Variants in BMPR1B observed in about 807,000 individuals in gnomAD.
BMPR1B encodes the protein bone morphogenetic protein receptor type-1B.
A neutral mutation model predicts 59.1 loss-of-function variants in BMPR1B; 12 were observed. The ratio of observed to expected loss-of-function variants is 0.20; its 90% CI spans 0.13 to 0.33. BMPR1B has a LOEUF of 0.33. BMPR1B is among the 10% of genes least tolerant of loss of function. The pLI is 1.00. For missense variants in BMPR1B, 550 were observed against 610.9 expected (o/e 0.90, Z 1.05); for synonymous variants, 237 against 207.3 (o/e 1.14, Z -1.23).
At chr4:94,762,194 CTGTG>C (rs1339406830) in intron 1 of BMPR1B, among the ~76,000 whole-genome samples, 3 of 152,050 alleles carry the variant, frequency 2.0e-5, no homozygotes, top group African/African-American at 7.3e-5. Flanking sequence ...AATGCCTACT[CTGTG>C]TGTGGCACTG....
intron 6 of BMPR1B, 34 bp from the exon 7 acceptor site, chr4:95,123,776 T>C: frequency 2.7e-6 from 4 of 1,476,060 alleles, no homozygotes; most frequent in Non-Finnish European, 3.8e-6. Context: ...AAAAATATTC[T>C]CTTGATTATG....
intron 1 of BMPR1B, among the ~76,000 whole-genome samples, chr4:94,783,195 A>G (rs1722646208): frequency 6.6e-6 from 1 of 152,146 alleles, no homozygotes; most frequent in African/African-American, 2.4e-5. Context: ...TATTGTTGTG[A>G]CAGTGCTCCA....
At chr4:94,869,210 C>T (rs1726383494) in intron 1 of BMPR1B, among the ~76,000 whole-genome samples, 1 of 151,816 alleles carries the variant, frequency 6.6e-6, no homozygotes, top group Non-Finnish European at 1.5e-5. Flanking sequence ...TTTACTCTTT[C>T]TGAAATGTCA....
intron 2 of BMPR1B, among the ~76,000 whole-genome samples, chr4:94,957,560 C>A (rs1379688892): frequency 6.6e-6 from 1 of 151,594 alleles, no homozygotes; most frequent in African/African-American, 2.4e-5. Flanking sequence ...GTTTGCACTG[C>A]AACTTTAGGT....
At chr4:94,902,087 G>GTGTGTGTGTGT (rs1491111955) in intron 2 of BMPR1B, among the ~76,000 whole-genome samples, 5 of 128,580 alleles carry the variant, frequency 3.9e-5, no homozygotes, top group African/African-American at 1.3e-4. Context: ...GTGTGTGTGT[G>GTGTGTGTGTGT]GGGTGTATTT....
chr4:94,961,907 T>G (rs1297630464), intron 2 of BMPR1B, among the ~76,000 whole-genome samples: 1 of 152,192 alleles, frequency 6.6e-6, no homozygotes. Context: ...GAGATATCCA[T>G]CACCTTAAAC....
intron 8 of BMPR1B, among the ~76,000 whole-genome samples, chr4:95,127,405 A>T (rs1219391860): frequency 6.6e-6 from 1 of 152,140 alleles, no homozygotes; most frequent in Non-Finnish European, 1.5e-5. Context: ...AGTTGTTCCT[A>T]TTCTATCAAG....
chr4:95,006,340 C>T (rs62316233), intron 3 of BMPR1B, among the ~76,000 whole-genome samples: 4,430 of 145,532 alleles, frequency 0.03, 101 homozygotes, highest in Non-Finnish European at 0.048. Context: ...ATCAGGAGTA[C>T]GAGACCAGCC....
At chr4:94,780,531 T>C (rs909966007) in intron 1 of BMPR1B, among the ~76,000 whole-genome samples, 1 of 152,150 alleles carries the variant, frequency 6.6e-6, no homozygotes, top group Non-Finnish European at 1.5e-5. Context: ...CCTGGGTATA[T>C]ACCTAGGAGT....
At chr4:95,109,939 C>T (rs1163759016) in intron 4 of BMPR1B, among the ~76,000 whole-genome samples, 4 of 148,458 alleles carry the variant, frequency 2.7e-5, no homozygotes, top group Non-Finnish European at 5.9e-5. Flanking sequence ...CAATTCCCAC[C>T]TATGAGTGAG....
rs568085996 is a variant in BMPR1B at position 94,819,158 on chromosome 4, T to A, written c.-182-56673T>A. 3.9e-5 allele frequency among the ~76,000 whole-genome samples: 6 copies of A among 151,932 alleles called. No homozygotes were observed. In the South Asian group the frequency reaches 1.2e-3, roughly 32 times the overall value. On this transcript the variant is annotated intron_variant, in intron 1 of 12. Transcript: ENST00000515059. Reference sequence around the variant, plus strand: ...CTCAAATAAAATTTTTTTTTTTTTCTCTTATAGGCTTAACTTTGGGTCAGA... The same window carrying A: ...CTCAAATAAAATTTTTTTTTTTTTCACTTATAGGCTTAACTTTGGGTCAGA...
intron 3 of BMPR1B, among the ~76,000 whole-genome samples, chr4:95,034,511 A>G (rs1246276971): frequency 1.3e-5 from 2 of 151,996 alleles, no homozygotes; most frequent in South Asian, 2.1e-4. Context: ...GTTCCTGCTT[A>G]TAAGTGGGAA....
At chr4:94,867,497 C>A (rs946681970) in intron 1 of BMPR1B, among the ~76,000 whole-genome samples, 5 of 152,150 alleles carry the variant, frequency 3.3e-5, no homozygotes, top group Admixed American at 6.6e-5. Context: ...TTCTTCTACT[C>A]CTCTTTATTC....
rs1735510008 is a variant in BMPR1B at position 95,157,604 on chromosome 4, TTATG to T, written c.*2937_*2940del. The T allele has an allele frequency of 1.3e-5, 2 of 151,380 alleles. No individual in the cohort carries two copies. Among genetic ancestry groups the T allele is most frequent in the African/African-American group, 2.4e-5 (1 of 41,310 alleles). 9.4% of individuals were successfully genotyped at this position (151,380 alleles called of 1,614,324 possible). A position where few individuals can be genotyped will look rare whatever the true frequency, so the allele number is the denominator to read the frequency against. ...ATGCTAAGATATTCAGGTTTATAGTTTATGTATGTGTGTATATATATAAATATAT... is the reference window on the plus strand; with the variant it reads ...ATGCTAAGATATTCAGGTTTATAGTTTATGTGTGTATATATATAAATATAT... On this transcript the variant is annotated 3_prime_UTR_variant, in exon 13 of 13. Transcript: ENST00000515059.
chr4:94,985,230 T>C (rs973817037), intron 2 of BMPR1B, among the ~76,000 whole-genome samples: 1 of 151,990 alleles, frequency 6.6e-6, no homozygotes, highest in African/African-American at 2.4e-5. Flanking sequence ...AGTAGCAATA[T>C]AGAAGATTGA....
At chr4:94,988,332 A>G (rs1364026305) in intron 2 of BMPR1B, among the ~76,000 whole-genome samples, 1 of 152,140 alleles carries the variant, frequency 6.6e-6, no homozygotes, top group Admixed American at 6.5e-5. Context: ...AGGTTCAATT[A>G]GCAACAACTA....
At chr4:94,989,028 C>T (rs549835839) in intron 2 of BMPR1B, among the ~76,000 whole-genome samples, 41 of 152,154 alleles carry the variant, frequency 2.7e-4, no homozygotes, top group African/African-American at 9.6e-4. Flanking sequence ...TACCCATTTT[C>T]CCCTGAAGAA....
chr4:94,889,956 C>T lies in BMPR1B; in HGVS notation c.-113+14056C>T, dbSNP rs74719753. On this transcript the variant is annotated intron_variant, in intron 2 of 12. Transcript: ENST00000515059. Reference sequence around the variant, plus strand: ...AGGTTGTATTTTTCTGACCCCTCCTCTACCCCAAATAGAGGGAGAGGAATG... The same window carrying T: ...AGGTTGTATTTTTCTGACCCCTCCTTTACCCCAAATAGAGGGAGAGGAATG... Among the ~76,000 whole-genome samples the T allele has an allele frequency of 1.6e-4, 24 of 152,084 alleles. No homozygotes were observed. In the East Asian group the frequency reaches 4.5e-3, roughly 28 times the overall value.
At chr4:94,977,502 C>A (rs1312002366) in intron 2 of BMPR1B, among the ~76,000 whole-genome samples, 1 of 98,524 alleles carries the variant, frequency 1.0e-5, no homozygotes, top group Non-Finnish European at 2.1e-5. Context: ...TTTTTAGTTC[C>A]TCTAAATTTT....
Sources: allele counts gnomAD v4.1 joint callset (sites outside exome capture counted in the v4.1 genomes callset), GRCh38; gene constraint gnomAD v4.1.1; transcripts MANE v1.5; gene names NCBI Gene and HGNC (gene_info 2026-07-23, HGNC 2026-07-21).